The following CNTN5 variants were observed in gnomAD, a reference collection of about 807,000 sequenced individuals.
CNTN5 encodes the protein contactin 5.
Under a neutral mutation model 129.1 loss-of-function variants are expected in CNTN5, and 77 were observed. The observed-to-expected ratio is 0.60, with a 90% CI of 0.50 to 0.72. CNTN5 has a LOEUF of 0.72. Among genes scored for constraint, CNTN5 ranks in the 30% least tolerant of loss-of-function variants. The probability of loss-of-function intolerance (pLI) is 0.00; values close to 1 mark genes in which losing one functional copy is unlikely to be tolerated. For missense variants in CNTN5, 1,478 were observed against 1,328.8 expected, an observed-to-expected ratio of 1.11 and a Z score of -1.75; for synonymous variants, 509 against 465.6, an observed-to-expected ratio of 1.09 and a Z score of -1.20.
chr11:100,060,753 C>G (rs1237416346), intron 9 of CNTN5, among the ~76,000 whole-genome samples: 1 of 151,022 alleles, frequency 6.6e-6, no homozygotes, highest in Non-Finnish European at 1.5e-5. Flanking sequence ...GATTCTCCTG[C>G]CTCAGCCTCC....
At chr11:99,102,904 T>C (rs189593367) in intron 1 of CNTN5, among the ~76,000 whole-genome samples, 1 of 152,220 alleles carries the variant, frequency 6.6e-6, no homozygotes, top group African/African-American at 2.4e-5. Flanking sequence ...ACGGTGCTAA[T>C]GATGACAGAC....
intron 2 of CNTN5, among the ~76,000 whole-genome samples, chr11:99,524,121 A>G (rs1390019496): frequency 6.6e-6 from 1 of 152,232 alleles, no homozygotes; most frequent in Non-Finnish European, 1.5e-5. Context: ...ATATCTCTTC[A>G]GAAATAGACA....
chr11:100,345,579 A>G (rs1196587270), intron 23 of CNTN5, among the ~76,000 whole-genome samples: 1 of 149,942 alleles, frequency 6.7e-6, no homozygotes, highest in Non-Finnish European at 1.5e-5. Context: ...ACAGATATTA[A>G]AAAAAAAAAA....
intron 3 of CNTN5, among the ~76,000 whole-genome samples, chr11:99,601,970 ACTATATATACCTATATAC>A (rs1432849533): frequency 1.3e-5 from 2 of 152,188 alleles, no homozygotes; most frequent in South Asian, 2.1e-4. Context: ...TTACCTATAT[ACTATATATACCTATATAC>A]CTATATATAC....
rs368600305 is a variant in CNTN5 at position 100,346,513 on chromosome 11, C to G, written c.3031-4189C>G. Among the ~76,000 whole-genome samples, 18 of 152,184 alleles carry G rather than the reference C, an allele frequency of 1.2e-4. No homozygotes were observed. The South Asian group carries it at 3.1e-3, about 26-fold the overall frequency. On this transcript the variant is annotated intron_variant, in intron 23 of 24. Coordinates refer to ENST00000524871, the MANE Select transcript of CNTN5 (RefSeq NM_014361.4). ...TATGCTTTCACTTCAGCAAATGTCC[C>G]CTTCCCCACAAACAAAAACTGTTAT...
chr11:100,116,132 G>A (rs1945832972), intron 13 of CNTN5, among the ~76,000 whole-genome samples: 2 of 151,854 alleles, frequency 1.3e-5, no homozygotes, highest in Admixed American at 6.6e-5. Flanking sequence ...AGGTTCTCTG[G>A]GGCTGGATTG....
intron 6 of CNTN5, among the ~76,000 whole-genome samples, chr11:99,901,856 G>A (rs933650282): frequency 1.3e-5 from 2 of 152,096 alleles, no homozygotes; most frequent in Non-Finnish European, 2.9e-5. Flanking sequence ...ATTTAATAAT[G>A]GCTGTCATTT....
intron 1 of CNTN5, among the ~76,000 whole-genome samples, chr11:99,073,679 T>C (rs2155565): frequency 0.18 from 27,615 of 151,982 alleles, 3,658 homozygotes; most frequent in East Asian, 0.48. Context: ...GTTAGTTTGC[T>C]GAGGGTGATG....
In CNTN5 at chr11:99,220,525, A is replaced by G. The variant is rs1565413612; in HGVS notation, c.-209-104821A>G. On this transcript the variant is annotated intron_variant, in intron 1 of 24. Transcript: ENST00000524871. ...AATATACTATACCAATAAATTAAAAACCACAATTAAATAAATGCAAGATCA... is the reference window on the plus strand; with the variant it reads ...AATATACTATACCAATAAATTAAAAGCCACAATTAAATAAATGCAAGATCA... Among the ~76,000 whole-genome samples the G allele has an allele frequency of 2.6e-5, 4 of 152,066 alleles. No individual in the cohort carries two copies. The South Asian group carries it at 8.3e-4, about 31-fold the overall frequency.
chr11:100,308,397 G>T lies in CNTN5; in HGVS notation c.2659G>T (p.Val887Leu). 2 of 1,610,998 alleles carry T rather than the reference G, an allele frequency of 1.2e-6. No homozygotes were observed. The highest frequency in any genetic ancestry group is 1.7e-6 in the Non-Finnish European group (2 of 1,177,896). ...AAPTDVKATS[V>L]SVSEILVAWK... The stretch of plus-strand genomic sequence containing the variant: ...TCCCACAGATGTCAAGGCGACAAGT[G>T]TGTCTGTGTCAGAGATTCTTGTTGC... Residue 887 changes from valine (V) to leucine (L), a missense_variant, in exon 21 of 25, where the codon GTG becomes TTG. Coordinates refer to ENST00000524871, the MANE Select transcript of CNTN5 (RefSeq NM_014361.4).
intron 2 of CNTN5, among the ~76,000 whole-genome samples, chr11:99,342,027 G>A (rs1410160999): frequency 6.6e-6 from 1 of 152,062 alleles, no homozygotes; most frequent in Non-Finnish European, 1.5e-5. Context: ...ATCTTGGCCT[G>A]CTTAATAAAA....
chr11:99,957,101 T>G, intron 8 of CNTN5, 92 bp downstream of exon 8: 8 of 1,108,376 alleles, frequency 7.2e-6, no homozygotes, highest in Non-Finnish European at 1.0e-5. Context: ...GACCTGGAAC[T>G]TACAAATAAA....
At chr11:100,043,357 C>T (rs1942478486) in intron 9 of CNTN5, among the ~76,000 whole-genome samples, 1 of 152,118 alleles carries the variant, frequency 6.6e-6, no homozygotes, top group Admixed American at 6.5e-5. Flanking sequence ...GAAGTCTTTC[C>T]AAACAAGTTT....
chr11:99,067,294 C>T (rs534841818), intron 1 of CNTN5, among the ~76,000 whole-genome samples: 2 of 152,212 alleles, frequency 1.3e-5, no homozygotes, highest in Admixed American at 1.3e-4. Context: ...TAACCAGATC[C>T]TAATGCAGCT....
intron 2 of CNTN5, among the ~76,000 whole-genome samples, chr11:99,374,286 T>C (rs1940019088): frequency 6.6e-6 from 1 of 152,168 alleles, no homozygotes; most frequent in Non-Finnish European, 1.5e-5. Context: ...AAAAATAAAA[T>C]AAAGTAAATC....
At chr11:99,824,499 C>A (rs986426927) in intron 4 of CNTN5, among the ~76,000 whole-genome samples, 2 of 152,066 alleles carry the variant, frequency 1.3e-5, no homozygotes, top group South Asian at 2.1e-4. Context: ...CAGTTGGTCA[C>A]TGGTTAAATG....
At chr11:99,135,597 A>G (rs76357462) in intron 1 of CNTN5, among the ~76,000 whole-genome samples, 5,502 of 151,480 alleles carry the variant, frequency 0.036, 147 homozygotes, top group Non-Finnish European at 0.056. Context: ...AAAGCCCTTT[A>G]AGATCTACCT....
In CNTN5 at chr11:100,095,343, T is replaced by C. The variant is rs183789956; in HGVS notation, c.1580+21049T>C. On this transcript the variant is annotated intron_variant, in intron 13 of 24. Transcript: ENST00000524871. ...TTTGAGGGGAAGAAATTAAAGTATGTTTTTGAGTGGAAGAAACTAACCAGA... is the reference window on the plus strand; with the variant it reads ...TTTGAGGGGAAGAAATTAAAGTATGCTTTTGAGTGGAAGAAACTAACCAGA... 7.2e-5 allele frequency among the ~76,000 whole-genome samples: 11 copies of C among 152,182 alleles called. No homozygotes were observed. The East Asian group carries it at 1.5e-3, about 21-fold the overall frequency.
intron 18 of CNTN5, among the ~76,000 whole-genome samples, chr11:100,279,260 G>GT (rs71465316): frequency 7.9e-4 from 117 of 148,458 alleles, no homozygotes; most frequent in South Asian, 1.1e-3. Flanking sequence ...CAGTCTATAG[G>GT]TTTTTTTTTT....
Sources: allele counts gnomAD v4.1 joint callset (sites outside exome capture counted in the v4.1 genomes callset), GRCh38; gene constraint gnomAD v4.1.1; transcripts MANE v1.5; gene names NCBI Gene and HGNC (gene_info 2026-07-23, HGNC 2026-07-21).